Variants in DHRSX observed in about 807,000 individuals in gnomAD.
DHRSX encodes polyprenol dehydrogenase.
In DHRSX, 31 loss-of-function variants were observed where a neutral mutation model predicts 34.0. That is an observed-to-expected ratio of 0.91 (90% CI 0.69 to 1.23). The LOEUF is 1.23. Ranked by LOEUF, DHRSX falls within the 50% of genes most tolerant of loss-of-function variation. DHRSX has a pLI of 0.00. For synonymous variants in DHRSX, 201 were observed against 183.8 expected (o/e 1.09, Z -0.76); for missense variants, 414 against 428.1 (o/e 0.97, Z 0.29).
chrX:2,407,970 A>T (rs1238512264), intron 3 of DHRSX, among the ~76,000 whole-genome samples: 3 of 152,208 alleles, frequency 2.0e-5, no homozygotes, highest in African/African-American at 4.8e-5. Flanking sequence ...AGGACAGAGC[A>T]TTGAGAATCT....
At chrX:2,447,734 T>C (rs1438758501) in intron 1 of DHRSX, among the ~76,000 whole-genome samples, 2 of 139,394 alleles carry the variant, frequency 1.4e-5, no homozygotes, top group African/African-American at 2.7e-5. Context: ...TGCAACAACA[T>C]GGATGGGACT....
Position 2,475,328 on chromosome X carries a change from C to T in DHRSX, c.109+25489G>A, listed in dbSNP as rs1158871916. ...ACTGCCACCAAGAACACAATGAAGA[C>T]GTTCCCTAAGCATGCGGCTAAGGGA... On this transcript the variant is annotated intron_variant, in intron 1 of 6. Coordinates refer to ENST00000334651, the MANE Select transcript of DHRSX (RefSeq NM_145177.3). Among the ~76,000 whole-genome samples the T allele has an allele frequency of 4.6e-5, 7 of 151,160 alleles. 1 individual carries two copies. The highest frequency in any genetic ancestry group is 3.9e-4 in the East Asian group (2 of 5,116).
chrX:2,289,761 T>G (rs1226318096), intron 4 of DHRSX, among the ~76,000 whole-genome samples: 1 of 152,236 alleles, frequency 6.6e-6, no homozygotes, highest in Non-Finnish European at 1.5e-5. Flanking sequence ...CACCCAGTGC[T>G]GAGACAGAAG....
At chrX:2,462,249 G>A (rs1323929460) in intron 1 of DHRSX, among the ~76,000 whole-genome samples, 1 of 151,228 alleles carries the variant, frequency 6.6e-6, no homozygotes, top group Non-Finnish European at 1.5e-5. Flanking sequence ...TTCCACAAAC[G>A]CCAGCCCTTA....
chrX:2,241,065 T>C (rs2016130448), intron 6 of DHRSX, among the ~76,000 whole-genome samples: 1 of 151,968 alleles, frequency 6.6e-6, no homozygotes, highest in Non-Finnish European at 1.5e-5. Context: ...ACACCTGCAA[T>C]CCCAGCTACT....
intron 2 of DHRSX, among the ~76,000 whole-genome samples, chrX:2,420,277 A>G (rs945150358): frequency 1.8e-4 from 28 of 151,988 alleles, no homozygotes; most frequent in Non-Finnish European, 2.4e-4. Flanking sequence ...GTGTGCTGGC[A>G]CGCGCCTGTA....
intron 1 of DHRSX, among the ~76,000 whole-genome samples, chrX:2,446,414 C>T (rs1402077026): frequency 1.3e-5 from 2 of 151,676 alleles, no homozygotes; most frequent in Non-Finnish European, 2.9e-5. Flanking sequence ...TGCAGACGTT[C>T]CCTAAGCATG....
intron 5 of DHRSX, among the ~76,000 whole-genome samples, chrX:2,266,298 A>G (rs1325702652): frequency 7.2e-6 from 1 of 139,420 alleles, no homozygotes; most frequent in Non-Finnish European, 1.5e-5. Context: ...CACAGGGAGC[A>G]CCGTCCCCAG....
chrX:2,340,437 T>TGC (rs1602972391), intron 3 of DHRSX, among the ~76,000 whole-genome samples: 1 of 151,186 alleles, frequency 6.6e-6, no homozygotes, highest in Non-Finnish European at 1.5e-5. Flanking sequence ...GGTGTGTGTG[T>TGC]GCGTCTGTCT....
chrX:2,226,509 C>G (rs777963295), intron 6 of DHRSX, among the ~76,000 whole-genome samples: 1 of 152,170 alleles, frequency 6.6e-6, no homozygotes, highest in South Asian at 2.1e-4. Flanking sequence ...GATCTTTTTC[C>G]CCAAAGAAAA....
At chrX:2,411,262 G>A (rs763250588) in intron 2 of DHRSX, among the ~76,000 whole-genome samples, 4 of 152,196 alleles carry the variant, frequency 2.6e-5, no homozygotes, top group Non-Finnish European at 5.9e-5. Context: ...CAAAGGGTGC[G>A]GCCGGGTGCG....
intron 3 of DHRSX, among the ~76,000 whole-genome samples, chrX:2,366,497 G>T (rs1418434870): frequency 6.6e-6 from 1 of 152,012 alleles, no homozygotes. Context: ...CTTGGAAATT[G>T]TATTTTTATA....
chrX:2,491,841 G>A (rs1414040985), intron 1 of DHRSX, among the ~76,000 whole-genome samples: 1 of 152,198 alleles, frequency 6.6e-6, no homozygotes, highest in Non-Finnish European at 1.5e-5. Flanking sequence ...AGTCGGTGTG[G>A]AGGCTTAGAT....
At chrX:2,452,496 C>A (rs1207862347) in intron 1 of DHRSX, among the ~76,000 whole-genome samples, 9 of 150,770 alleles carry the variant, frequency 6.0e-5, no homozygotes, top group South Asian at 2.1e-4. Context: ...CCTAACCATG[C>A]GCCCAAGGGA....
At chrX:2,290,533 A>AT (rs2041853582) in intron 4 of DHRSX, among the ~76,000 whole-genome samples, 1 of 152,238 alleles carries the variant, frequency 6.6e-6, no homozygotes, top group East Asian at 1.9e-4. Flanking sequence ...CCTTTTGCTG[A>AT]TTTTTTTGTC....
intron 4 of DHRSX, among the ~76,000 whole-genome samples, chrX:2,276,249 A>T (rs754149820): frequency 1.3e-5 from 2 of 152,336 alleles, no homozygotes; most frequent in East Asian, 3.9e-4. Context: ...TTTAATCATC[A>T]GCAAATATAC....
In DHRSX at chrX:2,347,364, C is replaced by T. The variant is rs188339101; in HGVS notation, c.287-55761G>A. On this transcript the variant is annotated intron_variant, in intron 3 of 6. Coordinates refer to ENST00000334651, the MANE Select transcript of DHRSX (RefSeq NM_145177.3). ...ACCTGCCCCCATGATTCGGTTACCTCCCACTGGGTCCCTCCCACAACAGGT... is the reference window on the plus strand; with the variant it reads ...ACCTGCCCCCATGATTCGGTTACCTTCCACTGGGTCCCTCCCACAACAGGT... 4.6e-5 allele frequency among the ~76,000 whole-genome samples: 7 copies of T among 152,324 alleles called. No homozygotes were observed. The East Asian group carries it at 9.6e-4, about 21-fold the overall frequency.
rs925768210 is a variant in DHRSX, at chrX:2,219,865, T to C, written c.*1176A>G. ...TTGAAATTTGAAAACCCAACATCTA[T>C]CTCTCTAACACCAAAGGATTGAGCC... On this transcript the variant is annotated 3_prime_UTR_variant, in exon 7 of 7. Transcript: ENST00000334651. 6.6e-6 allele frequency: 1 copy of C among 151,722 alleles called. No homozygotes were observed. Among genetic ancestry groups the C allele is most frequent in the Non-Finnish European group, 1.5e-5 (1 of 67,712 alleles). 9.4% of individuals were successfully genotyped at this position (151,722 alleles called of 1,614,324 possible). A position where few individuals can be genotyped will look rare whatever the true frequency, so the allele number is the denominator to read the frequency against.
intron 6 of DHRSX, among the ~76,000 whole-genome samples, chrX:2,222,319 C>T (rs1333524412): frequency 6.6e-6 from 1 of 152,228 alleles, no homozygotes; most frequent in African/African-American, 2.4e-5. Context: ...TCTTTCCTCC[C>T]CAGAGGTCAG....
Sources: gnomAD v4.1 joint callset for allele counts (sites outside exome capture counted in the v4.1 genomes callset) on GRCh38, gnomAD v4.1.1 for gene constraint, MANE v1.5 for transcripts, NCBI Gene and HGNC (gene_info 2026-07-23, HGNC 2026-07-21) for gene names.